The following OR1S1 variants were observed in gnomAD, a reference collection of about 807,000 sequenced individuals.
The protein encoded by OR1S1 is olfactory receptor family 1 subfamily S member 1, also known as olfactory receptor 1S1.
For missense variants in OR1S1, 411 were observed against 367.5 expected (o/e 1.12, Z -0.97); for synonymous variants, 156 against 143.9 (o/e 1.08, Z -0.60).
rs142828687 is a variant in OR1S1 at position 58,215,607 on chromosome 11, C to T, written c.824C>T (p.Ala275Val). Residue 275 changes from alanine (A) to valine (V), a missense_variant, in exon 2 of 2, where the codon GCT becomes GTT. Coordinates refer to ENST00000641544, the Ensembl canonical transcript of OR1S1. ...CCTGAGGACACTGATAAGATTGGTG[C>T]TGTCCTATTCACTGTGGTGACACCC... 494 of 1,614,096 alleles carry T rather than the reference C, an allele frequency of 3.1e-4. No individual in the cohort carries two copies. The African/African-American group carries it at 5.8e-3, about 19-fold the overall frequency.
At chr11:58,215,831 T>A in exon 2 of OR1S1, 1 of 1,383,132 alleles carries the variant, frequency 7.2e-7, no homozygotes, top group South Asian at 1.4e-5. Context: ...TGCAGGTATC[T>A]GTCTCCTATT....
exon 2 of OR1S1, chr11:58,214,916 A>G (rs754212771): frequency 3.7e-6 from 6 of 1,613,872 alleles, no homozygotes; most frequent in Non-Finnish European, 4.2e-6. Context: ...GAACGGGCTC[A>G]TCATTGTGGC....
chr11:58,214,910 G>A (rs761201432), exon 2 of OR1S1: 8 of 1,614,052 alleles, frequency 5.0e-6, no homozygotes, highest in Middle Eastern at 1.6e-4. Flanking sequence ...GATTGGGAAC[G>A]GGCTCATCAT....
At chr11:58,215,864 C>G in exon 2 of OR1S1, 3 of 1,021,162 alleles carry the variant, frequency 2.9e-6, no homozygotes, top group East Asian at 2.4e-5. Flanking sequence ...GGGGTTGGAG[C>G]TTTTCCACTT....
intron 1 of OR1S1, among the ~76,000 whole-genome samples, chr11:58,214,269 A>T (rs1365132196): frequency 6.6e-6 from 1 of 152,154 alleles, no homozygotes; most frequent in Non-Finnish European, 1.5e-5. Context: ...CGTTAGTGGG[A>T]TGAAGCACCA....
chr11:58,215,780 A>T (rs1305617370), exon 2 of OR1S1: 4 of 1,557,968 alleles, frequency 2.6e-6, no homozygotes, highest in African/African-American at 1.4e-5. Flanking sequence ...TTCAGCCCAG[A>T]GCGTATGGCA....
chr11:58,214,151 C>A (rs1240745156), intron 1 of OR1S1, among the ~76,000 whole-genome samples: 1 of 152,084 alleles, frequency 6.6e-6, no homozygotes, highest in Admixed American at 6.6e-5. Flanking sequence ...GTATGTGTGC[C>A]CCCTAAATTT....
chr11:58,214,504 A>C lies in OR1S1; in HGVS notation c.-55-225A>C, dbSNP rs78356625. On this transcript the variant is annotated intron_variant, in intron 1 of 1. Coordinates refer to ENST00000641544, the Ensembl canonical transcript of OR1S1. ...ATGACCCTCAGTTTGCGGGATTTAA[A>C]CTACATTTAGAACCAACTGGAAAAA... Among the ~76,000 whole-genome samples the C allele has an allele frequency of 7.0e-3, 1,060 of 152,330 alleles. 10 individuals carry two copies. Among genetic ancestry groups the C allele is most frequent in the African/African-American group, 0.019 (775 of 41,568 alleles).
In OR1S1 at chr11:58,215,256, C is replaced by A; in HGVS notation, c.473C>A (p.Thr158Lys). Residue 158 changes from threonine (T) to lysine (K), a missense_variant, in exon 2 of 2, where the codon ACA (threonine) becomes AAA (lysine). Coordinates refer to ENST00000641544, the Ensembl canonical transcript of OR1S1. ...TTCCTCAGTAATATTATTGCTCTGA[C>A]ACACACCCTTCTGCTCATTCAATTG... 2.5e-6 allele frequency: 4 copies of A among 1,613,690 alleles called. No homozygotes were observed. The South Asian group carries it at 3.3e-5, about 13-fold the overall frequency.
At chr11:58,214,924 G>A in exon 2 of OR1S1, 1 of 1,614,076 alleles carries the variant, frequency 6.2e-7, no homozygotes, top group East Asian at 2.2e-5. Context: ...TCATCATTGT[G>A]GCTATCAGCT....
chr11:58,215,163 G>A lies in OR1S1; in HGVS notation c.380G>A (p.Cys127Tyr), dbSNP rs143246332. The A allele has an allele frequency of 8.9e-3, 14,391 of 1,614,082 alleles. 82 individuals carry two copies. Among genetic ancestry groups the A allele is most frequent in the Middle Eastern group, 0.022 (133 of 6,062 alleles). ...GCCTATGACCACTTTGTGGCGATCT[G>A]CCACCCTCTGAATTATACAATTCTC... is the stretch of plus-strand genomic sequence containing the variant. The change falls in exon 2 of 2, where the codon TGC becomes TAC. Residue 127 changes from cysteine (C) to tyrosine (Y), a missense_variant. By Grantham distance (194) the Cys-to-Tyr change is radical. Coordinates refer to ENST00000641544, the Ensembl canonical transcript of OR1S1.
exon 2 of OR1S1, chr11:58,215,761 G>T: frequency 6.3e-7 from 1 of 1,581,440 alleles, no homozygotes; most frequent in Non-Finnish European, 8.6e-7. Context: ...CACATAATCA[G>T]ATAAATGATT....
chr11:58,213,512 G>A (rs1164859110), intron 1 of OR1S1, among the ~76,000 whole-genome samples: 1 of 152,234 alleles, frequency 6.6e-6, no homozygotes, highest in African/African-American at 2.4e-5. Flanking sequence ...GGGTCATACA[G>A]TGGAAAGGTG....
intron 1 of OR1S1, among the ~76,000 whole-genome samples, chr11:58,213,666 A>G (rs1162028150): frequency 6.6e-6 from 1 of 152,130 alleles, no homozygotes; most frequent in Non-Finnish European, 1.5e-5. Context: ...GAGTGGGAAA[A>G]AAGGCAAAAG....
chr11:58,213,586 G>C (rs556221248), intron 1 of OR1S1, among the ~76,000 whole-genome samples: 21 of 152,224 alleles, frequency 1.4e-4, no homozygotes, highest in African/African-American at 5.1e-4. Context: ...TGTTACTATT[G>C]TTGTTGTTGT....
chr11:58,214,617 C>T, intron 1 of OR1S1, 112 bp from the exon 2 acceptor site: 1 of 789,146 alleles, frequency 1.3e-6, no homozygotes, highest in South Asian at 1.8e-5. Flanking sequence ...TTTTCCAAAT[C>T]TCTGCACTGC....
chr11:58,215,802 G>C (rs1320086646), exon 2 of OR1S1: 1 of 1,503,854 alleles, frequency 6.6e-7, no homozygotes, highest in Non-Finnish European at 8.9e-7. Context: ...AGTTGTGATG[G>C]TTCAACTTTT....
exon 2 of OR1S1, chr11:58,214,918 C>G (rs775360032): frequency 5.6e-6 from 9 of 1,614,032 alleles, no homozygotes; most frequent in East Asian, 2.2e-5. Context: ...ACGGGCTCAT[C>G]ATTGTGGCTA....
chr11:58,215,519 A>G, exon 2 of OR1S1: 2 of 1,614,020 alleles, frequency 1.2e-6, no homozygotes, highest in Non-Finnish European at 1.7e-6. Flanking sequence ...CTCTCACCTG[A>G]CAGTTGTATT....
Sources: allele counts gnomAD v4.1 joint callset (sites outside exome capture counted in the v4.1 genomes callset), GRCh38; gene constraint gnomAD v4.1.1; transcripts MANE v1.5; gene names NCBI Gene and HGNC (gene_info 2026-07-23, HGNC 2026-07-21).